Variants in ZNF829 observed in about 807,000 individuals in gnomAD.
The protein encoded by ZNF829 is zinc finger protein 829.
In ZNF829, 25 loss-of-function variants were observed where a neutral mutation model predicts 35.2. The observed-to-expected ratio is 0.71, with a 90% CI of 0.52 to 0.99. The LOEUF (loss-of-function observed/expected upper bound fraction) is 0.99. Ranked by LOEUF, ZNF829 falls within the 50% of genes least tolerant of loss-of-function variation. The pLI is 0.00. For missense variants in ZNF829, 417 were observed against 515.3 expected (o/e 0.81, Z 1.85); for synonymous variants, 136 against 163.2 (o/e 0.83, Z 1.27).
At position 36,891,353 on chromosome 19, in the gene ZNF829, A is replaced by T. The variant is rs1346748785; in HGVS notation, c.*139T>A. 3.6e-6 allele frequency: 3 copies of T among 827,776 alleles called. No homozygotes were observed. In the East Asian group the frequency reaches 8.7e-5, roughly 24 times the overall value. The allele number at this position is 827,776 out of a possible 1,614,324, so 51.3% of individuals were successfully genotyped here. On this transcript the variant is annotated 3_prime_UTR_variant, in exon 6 of 6. Coordinates refer to ENST00000391711, the MANE Select transcript of ZNF829 (RefSeq NM_001037232.4). ...TGTTTTAAGCCACCAAGGTTTTGGT[A>T]CTTGGTACTTTGTTATCGTATCGTT... is the stretch of plus-strand genomic sequence containing the variant.
intron 3 of ZNF829, among the ~76,000 whole-genome samples, chr19:36,909,861 T>C (rs1441698455): frequency 1.3e-5 from 2 of 151,044 alleles, no homozygotes; most frequent in Admixed American, 6.6e-5. Flanking sequence ...TTCTATTGCA[T>C]GGACAAAAAA....
intron 3 of ZNF829, among the ~76,000 whole-genome samples, chr19:36,910,039 T>C (rs191752219): frequency 1.0e-3 from 157 of 151,954 alleles, no homozygotes; most frequent in African/African-American, 3.6e-3. Flanking sequence ...ATTGGGTTAG[T>C]GGGACAATGC....
chr19:36,900,847 G>GAAAAAAAAAAAA (rs59848712), intron 5 of ZNF829, among the ~76,000 whole-genome samples: 1 of 88,966 alleles, frequency 1.1e-5, no homozygotes, highest in Non-Finnish European at 2.1e-5. Context: ...GACTGTCTCA[G>GAAAAAAAAAAAA]AAAAAAAAAA....
At chr19:36,909,656 A>T (rs2073246812) in intron 3 of ZNF829, among the ~76,000 whole-genome samples, 1 of 151,982 alleles carries the variant, frequency 6.6e-6, no homozygotes, top group Non-Finnish European at 1.5e-5. Flanking sequence ...AAAATACAAA[A>T]ATTAGCTGGG....
intron 4 of ZNF829, 103 bp downstream of exon 4, chr19:36,908,230 G>T: frequency 6.8e-7 from 1 of 1,467,980 alleles, no homozygotes; most frequent in Non-Finnish European, 9.2e-7. Context: ...TTAGGGAACA[G>T]GGAGCAGAAA....
At chr19:36,903,056 AG>A (rs2073185302) in intron 5 of ZNF829, among the ~76,000 whole-genome samples, 1 of 152,172 alleles carries the variant, frequency 6.6e-6, no homozygotes, top group South Asian at 2.1e-4. Context: ...AAGAAGAAGA[AG>A]AAAAAAAGTA....
intron 5 of ZNF829, chr19:36,907,666 G>A (rs1315722606): frequency 8.0e-5 from 22 of 274,262 alleles, no homozygotes; most frequent in African/African-American, 6.8e-5. Context: ...ATTTCTCAGG[G>A]TGGGAATGTC....
chr19:36,893,042 T>TGATAC, intron 5 of ZNF829: 1 of 400,286 alleles, frequency 2.5e-6, no homozygotes. Context: ...GCACAGAGTA[T>TGATAC]GATACTGTAT....
At chr19:36,904,597 G>A in intron 5 of ZNF829, among the ~76,000 whole-genome samples, 1 of 151,930 alleles carries the variant, frequency 6.6e-6, no homozygotes, top group African/African-American at 2.4e-5. Context: ...ACGGGGTTTT[G>A]CCATGTTGGC....
rs546400958 is a variant in ZNF829, at chr19:36,903,060, A to G, written c.319+4869T>C. 1.6e-3 allele frequency among the ~76,000 whole-genome samples: 250 copies of G among 152,296 alleles called. 2 individuals are homozygous for G. The highest frequency in any genetic ancestry group is 4.4e-3 in the South Asian group (21 of 4,826). On this transcript the variant is annotated intron_variant, in intron 5 of 5. Transcript: ENST00000391711. ...CAAAAATAAAAAAGAAGAAGAAGAA[A>G]AAAAGTAACTGTGTTGCTCTGTAGT... is the stretch of plus-strand genomic sequence containing the variant.
chr19:36,907,800 TGA>T, intron 5 of ZNF829, 127 bp downstream of exon 5: 1 of 677,120 alleles, frequency 1.5e-6, no homozygotes, highest in African/African-American at 1.9e-5. Context: ...GGAAAAAGTA[TGA>T]GAAAAAAAAA....
chr19:36,889,575 CAT>C lies in ZNF829; in HGVS notation c.*1915_*1916del, dbSNP rs2073031192. ...CTTCCTCTAGGTTTTCTAATATGTG[CAT>C]ATAGTTTCTGCTGATATTTTATATG... is the stretch of plus-strand genomic sequence containing the variant. On this transcript the variant is annotated 3_prime_UTR_variant, in exon 6 of 6. Transcript: ENST00000391711. 6.6e-6 allele frequency: 1 copy of C among 152,070 alleles called. No individual in the cohort carries two copies. Among genetic ancestry groups the C allele is most frequent in the Non-Finnish European group, 1.5e-5 (1 of 68,002 alleles). 9.4% of individuals were successfully genotyped at this position (152,070 alleles called of 1,614,324 possible).
chr19:36,896,233 C>A (rs1039012124), intron 5 of ZNF829, among the ~76,000 whole-genome samples: 3 of 151,766 alleles, frequency 2.0e-5, no homozygotes, highest in African/African-American at 7.3e-5. Context: ...ATGGTGTGAA[C>A]CTGGGAGACG....
chr19:36,908,140 GAGA>G lies in ZNF829; in HGVS notation c.224-119_224-117del, dbSNP rs1179680772. 3 of 1,184,330 alleles carry G rather than the reference GAGA, an allele frequency of 2.5e-6. No individual in the cohort carries two copies. In the African/African-American group the frequency reaches 4.6e-5, roughly 18 times the overall value. The allele number at this position is 1,184,330 out of a possible 1,614,324, so 73.4% of individuals were successfully genotyped here. A position where few individuals can be genotyped will look rare whatever the true frequency, so the allele number is the denominator to read the frequency against. ...CTACAAGAAGGACCGGAGAAAGATG[GAGA>G]AGATGAAGCTTCAGCCACAGCCCAT... On this transcript the variant is annotated intron_variant, in intron 4 of 5. Coordinates refer to ENST00000391711, the MANE Select transcript of ZNF829 (RefSeq NM_001037232.4).
intron 5 of ZNF829, among the ~76,000 whole-genome samples, chr19:36,895,173 CAA>C (rs1402866321): frequency 6.6e-6 from 1 of 152,006 alleles, no homozygotes; most frequent in East Asian, 1.9e-4. Context: ...ATGATATATT[CAA>C]AGTGCTAAAA....
At chr19:36,906,123 A>T (rs1374670207) in intron 5 of ZNF829, 2 of 152,362 alleles carry the variant, frequency 1.3e-5, no homozygotes, top group East Asian at 3.9e-4. Flanking sequence ...AAGTAAAACA[A>T]TAAAGCTACT....
chr19:36,906,221 A>C (rs1486103585), intron 5 of ZNF829: 2 of 152,244 alleles, frequency 1.3e-5, no homozygotes, highest in Non-Finnish European at 2.9e-5. Context: ...ATAAAGAAAA[A>C]GATAACTGTG....
intron 5 of ZNF829, chr19:36,905,418 A>G (rs1259608669): frequency 6.6e-6 from 1 of 151,308 alleles, no homozygotes; most frequent in African/African-American, 2.4e-5. Context: ...AAATGACTAT[A>G]TAAGCTAATT....
At position 36,916,159 on chromosome 19, in the gene ZNF829, G is replaced by C. The variant is rs2073327287; in HGVS notation, c.-233C>G. On this transcript the variant is annotated 5_prime_UTR_variant, in exon 1 of 6. Transcript: ENST00000391711. This position sits in a 1 kb window ranked among gnomAD's most constrained non-coding sequence, Gnocchi z 5.3. ...CTCCTCGCCTGGGCCCACCCGAAAC[G>C]GCTGCTCCCTCAACTCTCAACATCC... 1 of 529,184 alleles carries C rather than the reference G, an allele frequency of 1.9e-6. No homozygotes were observed. Among genetic ancestry groups the C allele is most frequent in the African/African-American group, 1.9e-5 (1 of 51,316 alleles). 32.8% of individuals were successfully genotyped at this position (529,184 alleles called of 1,614,324 possible).
Sources: allele counts gnomAD v4.1 joint callset (sites outside exome capture counted in the v4.1 genomes callset), GRCh38; gene constraint gnomAD v4.1.1; non-coding constraint Gnocchi (gnomAD v3.1); transcripts MANE v1.5; gene names NCBI Gene and HGNC (gene_info 2026-07-23, HGNC 2026-07-21).